ALS2: variants seen among roughly 807,000 people sequenced by gnomAD.
ALS2 encodes alsin.
A neutral mutation model predicts 203.4 loss-of-function variants in ALS2; 117 were observed. The observed-to-expected ratio is 0.58, with a 90% CI of 0.50 to 0.67. The LOEUF (loss-of-function observed/expected upper bound fraction) is 0.67, where lower values mean the gene tolerates loss of function less well. ALS2 is among the 30% of genes least tolerant of loss of function. ALS2 has a pLI of 0.00. For synonymous variants in ALS2, 718 were observed against 725.9 expected (o/e 0.99, Z 0.17); for missense variants, 1,715 against 1,989.4 (o/e 0.86, Z 2.62).
intron 25 of ALS2, 50 bp downstream of exon 25, chr2:201,715,622 T>C: frequency 6.2e-7 from 1 of 1,606,170 alleles, no homozygotes; most frequent in Non-Finnish European, 8.5e-7. Context: ...TGGTCTTAAG[T>C]TTCATCTTCC....
chr2:201,717,996 TA>T, intron 24 of ALS2, 80 bp downstream of exon 24: 1 of 1,451,438 alleles, frequency 6.9e-7, no homozygotes, highest in Non-Finnish European at 9.5e-7. Context: ...ACTTTGCTTT[TA>T]AAATATTAAC....
intron 5 of ALS2, among the ~76,000 whole-genome samples, chr2:201,755,924 G>GTGA (rs1353627735): frequency 6.6e-6 from 1 of 152,146 alleles, no homozygotes; most frequent in Non-Finnish European, 1.5e-5. Context: ...CCACAAGAAA[G>GTGA]TGATCATCAC....
chr2:201,742,313 C>T (rs1305916460), intron 10 of ALS2, among the ~76,000 whole-genome samples: 4 of 152,182 alleles, frequency 2.6e-5, no homozygotes, highest in Non-Finnish European at 5.9e-5. Context: ...CTGACTTCTG[C>T]TCTACTTGCC....
At position 201,718,215 on chromosome 2, in the gene ALS2, G is replaced by A; in HGVS notation, c.3703-5C>T. On this transcript the variant is annotated splice_polypyrimidine_tract_variant and splice_region_variant and intron_variant, in intron 23 of 33. Coordinates refer to ENST00000264276, the MANE Select transcript of ALS2 (RefSeq NM_020919.4). ...ATTTGGCATAGTCAGTGTTCCCTAGGTAAAGTCAGAGAATAAAATGTGGGG... is the reference window on the plus strand; with the variant it reads ...ATTTGGCATAGTCAGTGTTCCCTAGATAAAGTCAGAGAATAAAATGTGGGG... 6.2e-7 allele frequency: 1 copy of A among 1,610,910 alleles called. No homozygotes were observed. The highest frequency in any genetic ancestry group is 8.5e-7 in the Non-Finnish European group (1 of 1,177,224).
intron 4 of ALS2, chr2:201,760,606 G>C (rs1013128409): frequency 3.0e-5 from 37 of 1,241,846 alleles, no homozygotes; most frequent in Non-Finnish European, 1.9e-5. Context: ...TAGAAAAAAA[G>C]TACTAGCAAG....
intron 1 of ALS2, among the ~76,000 whole-genome samples, chr2:201,780,561 G>A (rs963352176): frequency 6.6e-6 from 1 of 152,196 alleles, no homozygotes; most frequent in African/African-American, 2.4e-5. Flanking sequence ...GGCGGGAAGA[G>A]GGGGCTTGAA....
At position 201,753,194 on chromosome 2, in the gene ALS2, A is replaced by G. The variant is rs751140974; in HGVS notation, c.1689T>C (p.His563=). The G allele has an allele frequency of 2.5e-5, 40 of 1,614,144 alleles. No homozygotes were observed. In the East Asian group the frequency reaches 8.9e-4, roughly 36 times the overall value. ...GAGAATGGTAACCACCTGCCTCCAG[A>G]TGGATTACTTCTTTGCCATCCAGAC... ...VKCLDGKEVI[H]LEAGGYHSLA... is the part of the protein sequence containing the mutation. Residue 563 remains histidine, a synonymous_variant, in exon 7 of 34, where the codon CAT becomes CAC. Transcript: ENST00000264276.
At chr2:201,706,337 G>A (rs1000674937) in intron 29 of ALS2, among the ~76,000 whole-genome samples, 1 of 150,962 alleles carries the variant, frequency 6.6e-6, no homozygotes, top group African/African-American at 2.4e-5. Context: ...AGTGAGCTGA[G>A]ATTGCACCAT....
intron 21 of ALS2, among the ~76,000 whole-genome samples, chr2:201,723,898 C>T (rs1690980298): frequency 6.6e-6 from 1 of 152,184 alleles, no homozygotes; most frequent in Non-Finnish European, 1.5e-5. Flanking sequence ...AGGTGGATCA[C>T]TTGAGGCCAG....
chr2:201,712,131 G>A (rs528572183), intron 25 of ALS2, among the ~76,000 whole-genome samples: 1 of 151,842 alleles, frequency 6.6e-6, no homozygotes, highest in Non-Finnish European at 1.5e-5. Context: ...ACACATACAC[G>A]AATTTCAAGC....
intron 19 of ALS2, among the ~76,000 whole-genome samples, chr2:201,725,942 T>A (rs2106004846): frequency 6.6e-6 from 1 of 152,346 alleles, no homozygotes; most frequent in African/African-American, 2.4e-5. Context: ...ACTAAATTAC[T>A]TCCTTAACAT....
At chr2:201,706,554 T>TATATAA (rs1491091061) in intron 29 of ALS2, among the ~76,000 whole-genome samples, 1 of 135,952 alleles carries the variant, frequency 7.4e-6, no homozygotes, top group Non-Finnish European at 1.6e-5. Flanking sequence ...TATATATATA[T>TATATAA]AACTATACAT....
chr2:201,726,480 T>G lies in ALS2; in HGVS notation c.3248+4A>C. 1 of 1,613,062 alleles carries G rather than the reference T, an allele frequency of 6.2e-7. No individual in the cohort carries two copies. Among genetic ancestry groups the G allele is most frequent in the Non-Finnish European group, 8.5e-7 (1 of 1,179,002 alleles). On this transcript the variant is annotated splice_donor_region_variant and intron_variant, in intron 19 of 33. Coordinates refer to ENST00000264276, the MANE Select transcript of ALS2 (RefSeq NM_020919.4). ...TACTGTCATGTTTTACACAATTTTC[T>G]TACCCATCTTCCAAGCCATTCCTGA...
At chr2:201,760,744 GC>G in intron 4 of ALS2, 136 bp downstream of exon 4, 2 of 1,446,760 alleles carry the variant, frequency 1.4e-6, no homozygotes, top group Non-Finnish European at 9.1e-7. Flanking sequence ...ATCTAGGCTT[GC>G]CTGATAAAAC....
In ALS2 at chr2:201,739,529, G is replaced by A. The variant is rs528947847; in HGVS notation, c.2352-794C>T. 6.6e-4 allele frequency among the ~76,000 whole-genome samples: 100 copies of A among 152,000 alleles called. 1 individual carries two copies. The highest frequency in any genetic ancestry group is 2.4e-3 in the African/African-American group (99 of 41,442). On this transcript the variant is annotated intron_variant, in intron 11 of 33. Transcript: ENST00000264276. ...AGGCTGAGGCAAGTGAATCACCTGA[G>A]GTCAGGAGTTCGAGACCAGCCTGGC...
intron 1 of ALS2, among the ~76,000 whole-genome samples, chr2:201,771,884 C>T (rs1694399693): frequency 6.6e-6 from 1 of 152,178 alleles, no homozygotes; most frequent in South Asian, 2.1e-4. Context: ...CTGCATAGAC[C>T]TGTTAACCAG....
Position 201,725,183 on chromosome 2 carries a change from G to A in ALS2, c.3347+173C>T, listed in dbSNP as rs568204376. Among the ~76,000 whole-genome samples the A allele has an allele frequency of 5.2e-4, 79 of 151,870 alleles. No individual in the cohort carries two copies. The Middle Eastern group carries it at 0.01, about 20-fold the overall frequency. On this transcript the variant is annotated intron_variant, in intron 20 of 33. Transcript: ENST00000264276. ...AGTATTTTAATCCTGCGATAGATGAGGGGTTAACCTTTAAAAGATGATCAC... is the reference window on the plus strand; with the variant it reads ...AGTATTTTAATCCTGCGATAGATGAAGGGTTAACCTTTAAAAGATGATCAC...
intron 20 of ALS2, among the ~76,000 whole-genome samples, chr2:201,725,150 A>C (rs1027494043): frequency 2.6e-5 from 4 of 152,120 alleles, no homozygotes. Flanking sequence ...AACTAAATTT[A>C]ATAATCCAGT....
intron 28 of ALS2, 107 bp from the exon 29 acceptor site, chr2:201,707,129 G>A: frequency 9.8e-7 from 1 of 1,016,836 alleles, no homozygotes; most frequent in Non-Finnish European, 1.5e-6. Flanking sequence ...GAGATGGGAA[G>A]TTTTAAAGAA....
Sources: gnomAD v4.1 joint callset for allele counts (sites outside exome capture counted in the v4.1 genomes callset) on GRCh38, gnomAD v4.1.1 for gene constraint, MANE v1.5 for transcripts, NCBI Gene and HGNC (gene_info 2026-07-23, HGNC 2026-07-21) for gene names.